PHF3: variants seen among roughly 807,000 people sequenced by gnomAD.
PHF3 encodes PHD finger protein 3.
Under a neutral mutation model 178.4 loss-of-function variants are expected in PHF3, and 41 were observed. The ratio of observed to expected loss-of-function variants is 0.23; its 90% CI spans 0.18 to 0.30. The LOEUF is 0.30. Ranked by LOEUF, PHF3 falls within the 10% of genes least tolerant of loss-of-function variation. PHF3 has a pLI of 1.00. For synonymous variants in PHF3, 842 were observed against 800.5 expected (o/e 1.05, Z -0.88); for missense variants, 2,346 against 2,398.1 (o/e 0.98, Z 0.45).
chr6:63,676,989 A>G (rs1285041836), intron 2 of PHF3, among the ~76,000 whole-genome samples: 1 of 152,192 alleles, frequency 6.6e-6, no homozygotes, highest in Non-Finnish European at 1.5e-5. Context: ...AGCTAAGGAC[A>G]GTTCTAGAGT....
chr6:63,642,005 A>G (rs111908329), intron 1 of PHF3, among the ~76,000 whole-genome samples: 182 of 152,284 alleles, frequency 1.2e-3, no homozygotes, highest in Admixed American at 2.1e-3. Flanking sequence ...GAAACACTTG[A>G]AAAGCAATTA....
chr6:63,686,261 G>C (rs1421456055), intron 4 of PHF3: 1 of 204,082 alleles, frequency 4.9e-6, no homozygotes, highest in Middle Eastern at 1.8e-3. Context: ...GGGTCTGTAA[G>C]TTATATATTA....
At chr6:63,694,026 G>C (rs1488522083) in intron 5 of PHF3, among the ~76,000 whole-genome samples, 2 of 152,158 alleles carry the variant, frequency 1.3e-5, no homozygotes, top group Non-Finnish European at 2.9e-5. Flanking sequence ...TTTAAAACCT[G>C]AGTATATGTC....
chr6:63,712,320 A>T lies in PHF3; in HGVS notation c.4732A>T (p.Ile1578Phe), dbSNP rs776731651. 8.7e-6 allele frequency: 14 copies of T among 1,613,214 alleles called. No homozygotes were observed. Among genetic ancestry groups the T allele is most frequent in the Non-Finnish European group, 1.1e-5 (13 of 1,179,758 alleles). The change falls in exon 16 of 16, where the codon ATT (isoleucine) becomes TTT (phenylalanine). Residue 1578 changes from isoleucine (I) to phenylalanine (F), a missense_variant. Physicochemically the swap from Ile to Phe is conservative, Grantham distance 21. Coordinates refer to ENST00000262043, the MANE Select transcript of PHF3 (RefSeq NM_001370348.2). ...AGAAGCATTTTTAACAAATTTATCA[A>T]TTCAGTCAAAACAAGAGGAAACTGT... ...STEAFLTNLS[I>F]QSKQEETVES... is the part of the protein sequence containing the mutation.
intron 1 of PHF3, among the ~76,000 whole-genome samples, chr6:63,641,064 T>C (rs545999648): frequency 2.0e-5 from 3 of 152,370 alleles, no homozygotes; most frequent in Middle Eastern, 3.4e-3. Context: ...TGTTTTATCA[T>C]TACTGGTGGT....
At chr6:63,664,477 TTATA>T (rs1765596228) in intron 2 of PHF3, among the ~76,000 whole-genome samples, 1 of 152,182 alleles carries the variant, frequency 6.6e-6, no homozygotes, top group Non-Finnish European at 1.5e-5. Flanking sequence ...TTGTGTAAGT[TTATA>T]TATAAGACAT....
In PHF3 at chr6:63,691,975, C is replaced by T; in HGVS notation, c.2428C>T (p.His810Tyr). The change falls in exon 5 of 16, where the codon CAC (histidine) becomes TAC (tyrosine). Residue 810 changes from histidine (H) to tyrosine (Y), a missense_variant. Physicochemically the swap from His to Tyr is moderately conservative, Grantham distance 83. This residue lies in a region of PHF3 where 252 missense variants were observed against 232.0 expected (regional missense o/e 1.09). Transcript: ENST00000262043. ...GTGTGAAAAGCTTGGATTATCAAAA[C>T]ACACAACAAATGATAGAACCAAATA... The part of the protein sequence containing the change: ...MECEKLGLSK[H>Y]TTNDRTKYID... 1 of 1,613,438 alleles carries T rather than the reference C, an allele frequency of 6.2e-7. No individual in the cohort carries two copies. The highest frequency in any genetic ancestry group is 8.5e-7 in the Non-Finnish European group (1 of 1,179,742).
At chr6:63,710,608 A>G (rs1003789489) in intron 14 of PHF3, among the ~76,000 whole-genome samples, 1 of 152,158 alleles carries the variant, frequency 6.6e-6, no homozygotes, top group African/African-American at 2.4e-5. Flanking sequence ...CCTAAGCCAA[A>G]TTACTTTACA....
intron 1 of PHF3, among the ~76,000 whole-genome samples, chr6:63,640,035 A>G (rs964468514): frequency 6.6e-6 from 1 of 152,182 alleles, no homozygotes; most frequent in African/African-American, 2.4e-5. Flanking sequence ...CTTTGGTCTT[A>G]GTTGTCTTTG....
intron 4 of PHF3, among the ~76,000 whole-genome samples, chr6:63,687,506 T>A (rs1766765315): frequency 6.6e-6 from 1 of 152,238 alleles, no homozygotes; most frequent in Non-Finnish European, 1.5e-5. Context: ...GGTGGTGCTT[T>A]TAAGTGCTCC....
chr6:63,693,880 A>G (rs554345715), intron 5 of PHF3, among the ~76,000 whole-genome samples: 3 of 152,220 alleles, frequency 2.0e-5, no homozygotes, highest in African/African-American at 4.8e-5. Flanking sequence ...GCATAGCACT[A>G]CGTGCCTTGG....
intron 2 of PHF3, among the ~76,000 whole-genome samples, chr6:63,670,621 A>G (rs530850124): frequency 6.6e-6 from 1 of 152,244 alleles, no homozygotes; most frequent in South Asian, 2.1e-4. Flanking sequence ...ATTGCTGAGG[A>G]TAACTTCCTG....
At chr6:63,705,991 G>T (rs1298164393) in intron 11 of PHF3, 38 bp from the exon 12 acceptor site, 1 of 1,501,250 alleles carries the variant, frequency 6.7e-7, no homozygotes, top group Non-Finnish European at 9.0e-7. Context: ...AAAAGTTGTA[G>T]TTAACAGTTG....
intron 2 of PHF3, among the ~76,000 whole-genome samples, chr6:63,654,491 G>A (rs1228455980): frequency 6.6e-6 from 1 of 152,190 alleles, no homozygotes; most frequent in African/African-American, 2.4e-5. Flanking sequence ...TTTACGTAGA[G>A]AGGTTCAGAT....
intron 2 of PHF3, among the ~76,000 whole-genome samples, chr6:63,651,317 A>G (rs998937322): frequency 6.6e-6 from 1 of 152,156 alleles, no homozygotes; most frequent in African/African-American, 2.4e-5. Flanking sequence ...TGTAGTGTTA[A>G]TGGAGTACTA....
At chr6:63,638,768 T>C (rs1314116911) in intron 1 of PHF3, among the ~76,000 whole-genome samples, 1 of 152,148 alleles carries the variant, frequency 6.6e-6, no homozygotes, top group African/African-American at 2.4e-5. Context: ...AATTCTGGAG[T>C]ATCTTTTCAG....
At chr6:63,639,116 T>G (rs954553032) in intron 1 of PHF3, among the ~76,000 whole-genome samples, 1 of 152,172 alleles carries the variant, frequency 6.6e-6, no homozygotes, top group African/African-American at 2.4e-5. Flanking sequence ...TGTGCTTAAT[T>G]TAGACCATTT....
chr6:63,674,253 C>A (rs924089068), intron 2 of PHF3, among the ~76,000 whole-genome samples: 9 of 10,106 alleles, frequency 8.9e-4, no homozygotes, highest in Non-Finnish European at 1.9e-3. Flanking sequence ...TTTGGAGAGA[C>A]ATTTGATGAT....
chr6:63,660,138 G>A (rs1765404636), intron 2 of PHF3, among the ~76,000 whole-genome samples: 1 of 151,888 alleles, frequency 6.6e-6, no homozygotes, highest in Admixed American at 6.6e-5. Flanking sequence ...TAGGAAAGAT[G>A]TGTGAGTGCC....
Sources: allele counts gnomAD v4.1 joint callset (sites outside exome capture counted in the v4.1 genomes callset), GRCh38; gene constraint gnomAD v4.1.1; regional missense constraint gnomAD v4.1.1; transcripts MANE v1.5; gene names NCBI Gene and HGNC (gene_info 2026-07-23, HGNC 2026-07-21).